TNFSF4: variants seen among roughly 807,000 people sequenced by gnomAD.
The protein encoded by TNFSF4 is tumor necrosis factor ligand superfamily member 4.
In TNFSF4, 4 loss-of-function variants were observed where a neutral mutation model predicts 7.3. The ratio of observed to expected loss-of-function variants is 0.55; its 90% CI spans 0.27 to 1.25. TNFSF4 has a LOEUF of 1.25. Ranked by LOEUF, TNFSF4 falls within the 50% of genes most tolerant of loss-of-function variation. The pLI is 0.12. For missense variants in TNFSF4, 181 were observed against 208.8 expected (o/e 0.87, Z 0.82); for synonymous variants, 76 against 83.7 (o/e 0.91, Z 0.50).
chr1:173,407,535 G>A, the TNFSF4 span, among the ~76,000 whole-genome samples: 1 of 140,542 alleles, frequency 7.1e-6, no homozygotes, highest in East Asian at 2.0e-4. Flanking sequence ...ACTCCAGCCT[G>A]GGTGACAGAG....
the TNFSF4 span, among the ~76,000 whole-genome samples, chr1:173,437,970 A>G: frequency 0.19 from 28,325 of 152,116 alleles, 2,717 homozygotes; most frequent in East Asian, 0.31. Flanking sequence ...CCCCTCCCCA[A>G]TAAAATCCCA....
chr1:173,388,885 G>T, the TNFSF4 span, among the ~76,000 whole-genome samples: 1 of 152,098 alleles, frequency 6.6e-6, no homozygotes, highest in African/African-American at 2.4e-5. Context: ...TGACTCTTAA[G>T]AGTTAAAGGA....
chr1:173,349,427 C>T, the TNFSF4 span, among the ~76,000 whole-genome samples: 85 of 152,240 alleles, frequency 5.6e-4, no homozygotes, highest in East Asian at 0.015. Context: ...ACTTTTTGAA[C>T]TCTGTTATAA....
chr1:173,449,281 TA>T, the TNFSF4 span, among the ~76,000 whole-genome samples: 5 of 152,100 alleles, frequency 3.3e-5, no homozygotes, highest in Non-Finnish European at 7.4e-5. Flanking sequence ...TACAGAACCA[TA>T]AGTCAATTAA....
At chr1:173,372,011 T>C in the TNFSF4 span, among the ~76,000 whole-genome samples, 3 of 152,162 alleles carry the variant, frequency 2.0e-5, no homozygotes, top group African/African-American at 7.2e-5. Context: ...ATTATTTACT[T>C]TTGGCTACCA....
At chr1:173,428,999 T>C in the TNFSF4 span, among the ~76,000 whole-genome samples, 1 of 150,712 alleles carries the variant, frequency 6.6e-6, no homozygotes, top group African/African-American at 2.4e-5. Context: ...AGAGCAAGAC[T>C]CTGTCTAAGG....
At chr1:173,351,877 G>T in the TNFSF4 span, 2 of 594,982 alleles carry the variant, frequency 3.4e-6, no homozygotes, top group Non-Finnish European at 6.2e-6. Context: ...ATTCACCCCA[G>T]CAAGGCGGTT....
the TNFSF4 span, among the ~76,000 whole-genome samples, chr1:173,257,078 T>A: frequency 1.3e-5 from 2 of 152,218 alleles, no homozygotes; most frequent in African/African-American, 4.8e-5. Context: ...TGAGCCCAGA[T>A]CTCCCTCTCA....
the TNFSF4 span, among the ~76,000 whole-genome samples, chr1:173,177,105 G>A: frequency 5.9e-5 from 9 of 152,162 alleles, no homozygotes; most frequent in African/African-American, 1.7e-4. Context: ...ACCCACACAT[G>A]TAGCCCTGAA....
the TNFSF4 span, among the ~76,000 whole-genome samples, chr1:173,412,885 T>C: frequency 6.6e-6 from 1 of 152,206 alleles, no homozygotes; most frequent in Admixed American, 6.5e-5. Flanking sequence ...TTGTATACTT[T>C]GTACACTTTG....
chr1:173,293,432 C>A, the TNFSF4 span, among the ~76,000 whole-genome samples: 1 of 151,994 alleles, frequency 6.6e-6, no homozygotes, highest in Non-Finnish European at 1.5e-5. Context: ...GAGATTGAAA[C>A]CGGACCCCTA....
intron 1 of TNFSF4, among the ~76,000 whole-genome samples, chr1:173,191,800 C>T (rs917966777): frequency 1.3e-5 from 2 of 152,206 alleles, no homozygotes; most frequent in African/African-American, 4.8e-5. Flanking sequence ...GTGAGCGGAA[C>T]TTTCCAGAAG....
chr1:173,331,700 T>C, the TNFSF4 span, among the ~76,000 whole-genome samples: 1 of 152,170 alleles, frequency 6.6e-6, no homozygotes, highest in African/African-American at 2.4e-5. Flanking sequence ...AGCCTTAAGA[T>C]AAAGAGAAAA....
chr1:173,180,786 G>A (rs1649043035), downstream of TNFSF4, among the ~76,000 whole-genome samples: 3 of 152,172 alleles, frequency 2.0e-5, no homozygotes, highest in South Asian at 6.2e-4. Context: ...TGATGCAACA[G>A]TATTTTGAAG....
At chr1:173,294,113 A>G in the TNFSF4 span, among the ~76,000 whole-genome samples, 1 of 152,080 alleles carries the variant, frequency 6.6e-6, no homozygotes, top group African/African-American at 2.4e-5. Context: ...GTATATACCC[A>G]AAGAAAAATA....
chr1:173,386,877 C>T, the TNFSF4 span, among the ~76,000 whole-genome samples: 1 of 152,212 alleles, frequency 6.6e-6, no homozygotes, highest in Non-Finnish European at 1.5e-5. Flanking sequence ...GGGTTTTGAA[C>T]TTATTTGGGA....
the TNFSF4 span, among the ~76,000 whole-genome samples, chr1:173,246,904 C>T: frequency 2.0e-5 from 3 of 152,184 alleles, no homozygotes; most frequent in African/African-American, 7.2e-5. Flanking sequence ...AAGTCTAAGA[C>T]AAGAACTTGC....
At chr1:173,362,580 C>T in the TNFSF4 span, 1 of 520,964 alleles carries the variant, frequency 1.9e-6, no homozygotes, top group Non-Finnish European at 3.8e-6. Context: ...AGTTGTCTTT[C>T]AGTTCAACAG....
At chr1:173,432,782 T>C in the TNFSF4 span, among the ~76,000 whole-genome samples, 1 of 152,172 alleles carries the variant, frequency 6.6e-6, no homozygotes, top group Non-Finnish European at 1.5e-5. Flanking sequence ...TTACCTATAA[T>C]CTACCTTGTT....
Sources: allele counts gnomAD v4.1 joint callset (sites outside exome capture counted in the v4.1 genomes callset), GRCh38; gene constraint gnomAD v4.1.1; transcripts MANE v1.5; gene names NCBI Gene and HGNC (gene_info 2026-07-23, HGNC 2026-07-21).